The following LAMB1 variants were observed in gnomAD, a reference collection of about 807,000 sequenced individuals.
The protein encoded by LAMB1 is laminin subunit beta 1, also known as laminin subunit beta-1.
LAMB1 carries 121 observed loss-of-function variants against 222.3 expected under a neutral mutation model. The ratio of observed to expected loss-of-function variants is 0.54; its 90% CI spans 0.47 to 0.63. The LOEUF (loss-of-function observed/expected upper bound fraction) is 0.63. Ranked by LOEUF, LAMB1 falls within the 30% of genes least tolerant of loss-of-function variation. LAMB1 has a pLI of 0.00. For synonymous variants in LAMB1, 794 were observed against 807.2 expected (o/e 0.98, Z 0.28); for missense variants, 2,172 against 2,240.8 (o/e 0.97, Z 0.62).
intron 7 of LAMB1, among the ~76,000 whole-genome samples, chr7:107,982,963 C>T (rs886570118): frequency 1.6e-4 from 25 of 152,210 alleles, no homozygotes; most frequent in Non-Finnish European, 3.2e-4. Context: ...CCACAAATTT[C>T]ACCTTAAAGG....
intron 32 of LAMB1, 39 bp downstream of exon 32, chr7:107,926,143 CT>C: frequency 6.4e-7 from 1 of 1,564,092 alleles, no homozygotes. Flanking sequence ...CTGGTGGCTC[CT>C]TTAACAACAT....
intron 8 of LAMB1, among the ~76,000 whole-genome samples, chr7:107,980,198 ACT>A (rs1449133336): frequency 6.6e-6 from 1 of 150,506 alleles, no homozygotes; most frequent in South Asian, 2.1e-4. Flanking sequence ...ACACAGCAAG[ACT>A]CTGTCTCAAG....
Position 107,928,501 on chromosome 7 carries a change from C to CT in LAMB1, c.4887+562dup, listed in dbSNP as rs111568055. On this transcript the variant is annotated intron_variant, in intron 31 of 33. Coordinates refer to ENST00000222399, the MANE Select transcript of LAMB1 (RefSeq NM_002291.3). The stretch of plus-strand genomic sequence containing the variant: ...GCTGTTTCCTCAATGAATAGGAGTG[C>CT]TTTTTTTTTTTTTGAGATGGAGTCT... Among the ~76,000 whole-genome samples, 1,390 of 144,752 alleles carry CT rather than the reference C, an allele frequency of 9.6e-3. 9 individuals are homozygous for CT. Among genetic ancestry groups the CT allele is most frequent in the African/African-American group, 0.02 (812 of 39,940 alleles). 95.0% of individuals were successfully genotyped at this position (144,752 alleles called of 152,430 possible).
In LAMB1 at chr7:107,980,787, C is replaced by A. The variant is rs768044596; in HGVS notation, c.701G>T (p.Arg234Ile). ...AGTATGCAGTTTCACAAACTTGATT[C>A]TCAAGTTGGTAATTTTTAATAAATC... ...IQNLLKITNL[R>I]IKFVKLHTLG... is the part of the protein sequence containing the mutation. Residue 234 changes from arginine to isoleucine, a missense_variant, in exon 8 of 34, where the codon AGA (arginine) becomes ATA (isoleucine). Physicochemically the swap from Arg to Ile is moderately conservative, Grantham distance 97. Coordinates refer to ENST00000222399, the MANE Select transcript of LAMB1 (RefSeq NM_002291.3). 60 of 1,606,076 alleles carry A rather than the reference C, an allele frequency of 3.7e-5. 1 individual carries two copies. In the South Asian group the frequency reaches 6.6e-4, roughly 18 times the overall value.
chr7:107,958,261 A>T (rs1429220354), intron 20 of LAMB1, among the ~76,000 whole-genome samples: 1 of 152,288 alleles, frequency 6.6e-6, no homozygotes, highest in East Asian at 1.9e-4. Context: ...ATCTTTCTAC[A>T]ACACAATTTT....
At chr7:107,941,043 G>A in intron 24 of LAMB1, among the ~76,000 whole-genome samples, 1 of 152,198 alleles carries the variant, frequency 6.6e-6, no homozygotes, top group Non-Finnish European at 1.5e-5. Flanking sequence ...GGGGGTGTCT[G>A]CCATTGTGAT....
intron 13 of LAMB1, among the ~76,000 whole-genome samples, chr7:107,972,501 T>C (rs768708947): frequency 6.6e-6 from 1 of 152,164 alleles, no homozygotes; most frequent in Non-Finnish European, 1.5e-5. Context: ...GGTGGAGCTT[T>C]ATGCTTCATT....
intron 5 of LAMB1, among the ~76,000 whole-genome samples, chr7:107,989,383 G>C (rs987227484): frequency 2.6e-5 from 4 of 152,204 alleles, no homozygotes; most frequent in African/African-American, 7.2e-5. Flanking sequence ...ACCAACGCTT[G>C]ACAGAAATTT....
intron 24 of LAMB1, among the ~76,000 whole-genome samples, chr7:107,950,609 A>C (rs2033220784): frequency 6.6e-6 from 1 of 152,132 alleles, no homozygotes; most frequent in Admixed American, 6.5e-5. Flanking sequence ...ATTCACATTA[A>C]ACTGACTTGG....
In LAMB1 at chr7:107,986,372, A is replaced by G. The variant is rs770432704; in HGVS notation, c.424-9T>C. ...GCAGCTGGACGGAATGTCTAAAGGC[A>G]GGAGCAAAAATCTCATTTGATGTTT... On this transcript the variant is annotated splice_polypyrimidine_tract_variant and intron_variant, in intron 5 of 33. Transcript: ENST00000222399. 1.9e-6 allele frequency: 3 copies of G among 1,556,206 alleles called. No individual in the cohort carries two copies. Among genetic ancestry groups the G allele is most frequent in the Non-Finnish European group, 1.7e-6 (2 of 1,150,290 alleles).
chr7:108,001,150 C>T (rs900650440), intron 3 of LAMB1, among the ~76,000 whole-genome samples: 1 of 152,182 alleles, frequency 6.6e-6, no homozygotes, highest in Non-Finnish European at 1.5e-5. Flanking sequence ...AGACGCCTGT[C>T]ATTGCTGGAA....
chr7:108,002,296 G>T (rs2034406526), intron 2 of LAMB1: 1 of 1,309,352 alleles, frequency 7.6e-7, no homozygotes, highest in Non-Finnish European at 1.0e-6. Flanking sequence ...GCCGCTTTCC[G>T]GAGCTAGGGG....
chr7:107,953,627 A>G lies in LAMB1; in HGVS notation c.2982T>C (p.Thr994=), dbSNP rs1182133338. Residue 994 remains threonine (T), a synonymous_variant, in exon 22 of 34, where the codon ACT becomes ACC. Coordinates refer to ENST00000222399, the MANE Select transcript of LAMB1 (RefSeq NM_002291.3). The stretch of plus-strand genomic sequence containing the variant: ...GGTACAGGCACTTGAGACACCTCCC[A>G]GTCTCCTTGTCACAGGCTTCTGGGT... ...TTDPEACDKE[T]GRCLKCLYHT... is the part of the protein sequence containing the mutation. 3.1e-6 allele frequency: 5 copies of G among 1,614,154 alleles called. No individual in the cohort carries two copies. Among genetic ancestry groups the G allele is most frequent in the Non-Finnish European group, 4.2e-6 (5 of 1,180,006 alleles).
At chr7:107,943,993 A>G (rs184797065) in intron 24 of LAMB1, among the ~76,000 whole-genome samples, 19 of 152,282 alleles carry the variant, frequency 1.2e-4, no homozygotes, top group Admixed American at 4.6e-4. Flanking sequence ...TACCTTGTCT[A>G]CCAGCCAGTG....
At chr7:107,978,231 T>C in intron 8 of LAMB1, 64 bp from the exon 9 acceptor site, 1 of 1,560,128 alleles carries the variant, frequency 6.4e-7, no homozygotes, top group South Asian at 1.1e-5. Flanking sequence ...CGTTTCTCCA[T>C]AATCAATTGA....
Position 107,952,210 on chromosome 7 carries a change from A to C in LAMB1, c.3093T>G (p.Asn1031Lys). ...LQQDCRKCVCNYLGTVQEHCN... is the reference protein window; with the variant it reads ...LQQDCRKCVCKYLGTVQEHCN... ...AGTGCTCTTGCACGGTGCCCAGGTAATTACAGACACACTCTGCAAAAGAAC... is the reference window on the plus strand; with the variant it reads ...AGTGCTCTTGCACGGTGCCCAGGTACTTACAGACACACTCTGCAAAAGAAC... Residue 1031 changes from asparagine to lysine, a missense_variant, in exon 23 of 34, where the codon AAT (asparagine) becomes AAG (lysine). Transcript: ENST00000222399. 6.2e-7 allele frequency: 1 copy of C among 1,602,644 alleles called. No individual in the cohort carries two copies. Among genetic ancestry groups the C allele is most frequent in the Non-Finnish European group, 8.5e-7 (1 of 1,170,786 alleles).
Position 107,931,661 on chromosome 7 carries a change from G to C in LAMB1, c.4393-161C>G, listed in dbSNP as rs1584484255. 21 of 668,168 alleles carry C rather than the reference G, an allele frequency of 3.1e-5. No individual in the cohort carries two copies. The East Asian group carries it at 5.6e-4, about 18-fold the overall frequency. 41.4% of individuals were successfully genotyped at this position (668,168 alleles called of 1,614,324 possible). ...ATTCAACAAAGTATTGTATCTTACA[G>C]ACTGCAAGTATTCAGTATAGAGATT... On this transcript the variant is annotated intron_variant, in intron 28 of 33. Transcript: ENST00000222399.
At chr7:107,963,569 C>T (rs370685379) in intron 14 of LAMB1, among the ~76,000 whole-genome samples, 1 of 152,142 alleles carries the variant, frequency 6.6e-6, no homozygotes, top group African/African-American at 2.4e-5. Context: ...TTTTTTAATA[C>T]CTGTGGTTGG....
intron 24 of LAMB1, among the ~76,000 whole-genome samples, chr7:107,943,817 G>T (rs777951763): frequency 6.6e-6 from 1 of 152,184 alleles, no homozygotes; most frequent in African/African-American, 2.4e-5. Context: ...GAGCATGTGC[G>T]TGTGTGTGTA....
Sources: gnomAD v4.1 joint callset for allele counts (sites outside exome capture counted in the v4.1 genomes callset) on GRCh38, gnomAD v4.1.1 for gene constraint, MANE v1.5 for transcripts, NCBI Gene and HGNC (gene_info 2026-07-23, HGNC 2026-07-21) for gene names.